The following ZNF141 variants were observed in gnomAD, a reference collection of about 807,000 sequenced individuals.
The protein encoded by ZNF141 is zinc finger protein 141.
ZNF141 carries 7 observed loss-of-function variants against 11.3 expected under a neutral mutation model. That is an observed-to-expected ratio of 0.62 (90% CI 0.35 to 1.16). ZNF141 has a LOEUF of 1.16. ZNF141 is among the 50% of genes most tolerant of loss of function. The pLI is 0.02. For synonymous variants in ZNF141, 183 were observed against 190.7 expected (o/e 0.96, Z 0.33); for missense variants, 535 against 554.0 (o/e 0.97, Z 0.34).
chr4:343,724 CAAAAAAAAAA>C lies in ZNF141; in HGVS notation c.4-43_4-34del, dbSNP rs35268031. The stretch of plus-strand genomic sequence containing the variant: ...TGGGTGACAGAGCGAGACTCCGTCT[CAAAAAAAAAA>C]AAAAAAAAAAAAAAGAACTATGTCC... On this transcript the variant is annotated intron_variant, in intron 1 of 3. Coordinates refer to ENST00000240499, the MANE Select transcript of ZNF141 (RefSeq NM_003441.4). The C allele has an allele frequency of 5.6e-5, 49 of 875,832 alleles. No homozygotes were observed. The African/African-American group carries it at 1.4e-3, about 25-fold the overall frequency. 54.3% of individuals were successfully genotyped at this position (875,832 alleles called of 1,614,324 possible).
chr4:340,653 A>G (rs1024997274), intron 1 of ZNF141, among the ~76,000 whole-genome samples: 1 of 152,222 alleles, frequency 6.6e-6, no homozygotes, highest in Admixed American at 6.5e-5. Flanking sequence ...GAGAAATACA[A>G]GTTCTTTTAA....
chr4:352,748 C>T (rs1371219166), intron 3 of ZNF141, among the ~76,000 whole-genome samples: 2 of 152,114 alleles, frequency 1.3e-5, no homozygotes, highest in African/African-American at 4.8e-5. Flanking sequence ...TACATTTTTT[C>T]CCTTTGGCTT....
In ZNF141 at chr4:373,367, C is replaced by T. The variant is rs1712178549; in HGVS notation, c.930C>T (p.Pro310=). The T allele has an allele frequency of 1.9e-6, 3 of 1,613,848 alleles. No individual in the cohort carries two copies. The highest frequency in any genetic ancestry group is 2.5e-6 in the Non-Finnish European group (3 of 1,179,884). ...KHKRIHTGEK[P]YKCEECGKAF... ...AGCGAATTCATACTGGAGAGAAACCCTACAAATGTGAAGAATGTGGCAAAG... is the reference window on the plus strand; with the variant it reads ...AGCGAATTCATACTGGAGAGAAACCTTACAAATGTGAAGAATGTGGCAAAG... Residue 310 remains proline, a synonymous_variant, in exon 4 of 4, where the codon CCC becomes CCT. Transcript: ENST00000240499.
intron 1 of ZNF141, among the ~76,000 whole-genome samples, chr4:340,591 C>A (rs1721000002): frequency 6.6e-6 from 1 of 152,170 alleles, no homozygotes; most frequent in Non-Finnish European, 1.5e-5. Context: ...TGTGCAGTTC[C>A]AAATTCTGAG....
chr4:378,298 C>T lies in ZNF141; in HGVS notation c.*4436C>T, dbSNP rs1712461733. Reference sequence around the variant, plus strand: ...TTTATTTATTTATTTTAGATGGAGCCCCACTCTGTCACCAGGCTGGAGTGC... The same window carrying T: ...TTTATTTATTTATTTTAGATGGAGCTCCACTCTGTCACCAGGCTGGAGTGC... On this transcript the variant is annotated 3_prime_UTR_variant, in exon 4 of 4. Coordinates refer to ENST00000240499, the MANE Select transcript of ZNF141 (RefSeq NM_003441.4). 1 of 152,040 alleles carries T rather than the reference C, an allele frequency of 6.6e-6. No homozygotes were observed. Among genetic ancestry groups the T allele is most frequent in the Admixed American group, 6.6e-5 (1 of 15,254 alleles). The allele number at this position is 152,040 out of a possible 1,614,324, so 9.4% of individuals were successfully genotyped here. A position where few individuals can be genotyped will look rare whatever the true frequency, so the allele number is the denominator to read the frequency against.
intron 1 of ZNF141, chr4:342,834 C>A: frequency 1.9e-6 from 3 of 1,608,158 alleles, no homozygotes; most frequent in Non-Finnish European, 2.6e-6. Context: ...GTCCCCGAGG[C>A]ATTTTGAAAT....
intron 1 of ZNF141, among the ~76,000 whole-genome samples, chr4:342,291 G>A (rs1354152571): frequency 1.3e-5 from 2 of 152,212 alleles, no homozygotes; most frequent in African/African-American, 2.4e-5. Flanking sequence ...TTGTTTTTCA[G>A]ATACAGACTT....
In ZNF141 at chr4:340,847, A is replaced by G. The variant is rs145839697; in HGVS notation, c.3+2861A>G. On this transcript the variant is annotated intron_variant, in intron 1 of 3. Transcript: ENST00000240499. The stretch of plus-strand genomic sequence containing the variant: ...AACGTACATAGCCAATCACTAACCA[A>G]TGTTACTTCTATAAACCAATAAGAA... Among the ~76,000 whole-genome samples, 595 of 152,300 alleles carry G rather than the reference A, an allele frequency of 3.9e-3. 5 individuals carry two copies. The highest frequency in any genetic ancestry group is 0.013 in the African/African-American group (547 of 41,566).
rs1225640657 is a variant in ZNF141, at chr4:379,031, G to A, written c.*5169G>A. Among the ~76,000 whole-genome samples the A allele has an allele frequency of 6.6e-6, 1 of 151,840 alleles. No individual in the cohort carries two copies. The highest frequency in any genetic ancestry group is 1.5e-5 in the Non-Finnish European group (1 of 67,958). ...AGCTAATTTTTGTATTTTTAATAGA[G>A]ATGAGGTTTCACTCTGTTGGCCAGG... is the stretch of plus-strand genomic sequence containing the variant. On this transcript the variant is annotated 3_prime_UTR_variant, in exon 4 of 4. Coordinates refer to ENST00000240499, the MANE Select transcript of ZNF141 (RefSeq NM_003441.4).
Position 373,776 on chromosome 4 carries a change from G to T in ZNF141, c.1339G>T (p.Val447Leu). Residue 447 changes from valine to leucine, a missense_variant, in exon 4 of 4, where the codon GTA becomes TTA. Transcript: ENST00000240499. ...GAGTCAACATAAGAAAATTCATACT[G>T]TAGATAAACCCTACAAATGTAAAGA... is the stretch of plus-strand genomic sequence containing the variant. Reference protein sequence around the residue: ...LLSQHKKIHTVDKPYKCKDCD... With the variant: ...LLSQHKKIHTLDKPYKCKDCD... The T allele has an allele frequency of 6.2e-7, 1 of 1,614,094 alleles. No homozygotes were observed. Among genetic ancestry groups the T allele is most frequent in the Non-Finnish European group, 8.5e-7 (1 of 1,179,976 alleles).
intron 1 of ZNF141, among the ~76,000 whole-genome samples, chr4:342,068 C>T (rs1159760882): frequency 6.6e-6 from 1 of 152,124 alleles, no homozygotes; most frequent in Non-Finnish European, 1.5e-5. Flanking sequence ...TTATTCTATA[C>T]ATTTTTTTAA....
intron 3 of ZNF141, among the ~76,000 whole-genome samples, chr4:349,791 G>A (rs1402073438): frequency 6.6e-6 from 1 of 152,196 alleles, no homozygotes; most frequent in African/African-American, 2.4e-5. Context: ...GCCCTGGAGA[G>A]ATTAGATTTC....
chr4:371,802 AG>A (rs1385424129), intron 3 of ZNF141, among the ~76,000 whole-genome samples: 12 of 151,902 alleles, frequency 7.9e-5, no homozygotes, highest in African/African-American at 2.9e-4. Context: ...AGCCTCCCAA[AG>A]TGCTGGGATT....
At position 374,424 on chromosome 4, in the gene ZNF141, CATAAGAGAATTT is replaced by C. The variant is rs1208881923; in HGVS notation, c.*566_*577del. 14 of 359,246 alleles carry C rather than the reference CATAAGAGAATTT, an allele frequency of 3.9e-5. 1 individual carries two copies. Among genetic ancestry groups the C allele is most frequent in the East Asian group, 3.7e-4 (5 of 13,592 alleles). The allele number at this position is 359,246 out of a possible 1,614,324, so 22.3% of individuals were successfully genotyped here. ...TACCACATCCTCAAACTTTGTTAAACATAAGAGAATTTATACCAGAGAGAAACCCTACACATG... is the reference window on the plus strand; with the variant it reads ...TACCACATCCTCAAACTTTGTTAAACATACCAGAGAGAAACCCTACACATG... On this transcript the variant is annotated 3_prime_UTR_variant, in exon 4 of 4. Transcript: ENST00000240499.
chr4:339,819 C>G (rs782329267), intron 1 of ZNF141, among the ~76,000 whole-genome samples: 7 of 152,178 alleles, frequency 4.6e-5, no homozygotes, highest in Non-Finnish European at 7.4e-5. Context: ...GAGTAGGAGG[C>G]TGCCTTCAGC....
At chr4:366,540 G>A (rs949049536) in intron 3 of ZNF141, among the ~76,000 whole-genome samples, 10 of 152,192 alleles carry the variant, frequency 6.6e-5, no homozygotes, top group African/African-American at 2.4e-4. Context: ...CTGACCTCGT[G>A]ATCTGCCCAC....
intron 1 of ZNF141, among the ~76,000 whole-genome samples, chr4:341,228 T>C (rs1296919724): frequency 6.6e-6 from 1 of 151,984 alleles, no homozygotes; most frequent in Non-Finnish European, 1.5e-5. Flanking sequence ...GCCCGGCGGA[T>C]TTTTTATATT....
chr4:352,392 A>G lies in ZNF141; in HGVS notation c.226+7962A>G, dbSNP rs570523994. Among the ~76,000 whole-genome samples the G allele has an allele frequency of 4.6e-5, 7 of 152,300 alleles. No homozygotes were observed. The South Asian group carries it at 1.5e-3, about 32-fold the overall frequency. On this transcript the variant is annotated intron_variant, in intron 3 of 3. Transcript: ENST00000240499. ...CAGAGCGAGACTCCGTCTCAAAAAAAAAGAGGAAGGTGGGAGAGGGAGAAG... is the reference window on the plus strand; with the variant it reads ...CAGAGCGAGACTCCGTCTCAAAAAAGAAGAGGAAGGTGGGAGAGGGAGAAG...
intron 3 of ZNF141, among the ~76,000 whole-genome samples, chr4:354,426 G>A (rs1721753884): frequency 6.6e-6 from 1 of 152,182 alleles, no homozygotes; most frequent in South Asian, 2.1e-4. Context: ...ATAGAAATAA[G>A]AGGCTTAATC....
Sources: allele counts gnomAD v4.1 joint callset (sites outside exome capture counted in the v4.1 genomes callset), GRCh38; gene constraint gnomAD v4.1.1; transcripts MANE v1.5; gene names NCBI Gene and HGNC (gene_info 2026-07-23, HGNC 2026-07-21).